Variants in TERF1 observed in about 807,000 individuals in gnomAD.
TERF1 encodes telomeric repeat-binding factor 1.
Under a neutral mutation model 55.1 loss-of-function variants are expected in TERF1, and 20 were observed. The ratio of observed to expected loss-of-function variants is 0.36; its 90% CI spans 0.26 to 0.53. TERF1 has a LOEUF of 0.53. TERF1 is among the 20% of genes least tolerant of loss of function. The probability of loss-of-function intolerance (pLI) is 0.91; values close to 1 mark genes in which losing one functional copy is unlikely to be tolerated. For missense variants in TERF1, 439 were observed against 535.7 expected (o/e 0.82, Z 1.78); for synonymous variants, 168 against 181.2 (o/e 0.93, Z 0.59).
intron 8 of TERF1, chr8:73,038,733 C>G (rs1173773388): frequency 1.0e-6 from 1 of 964,542 alleles, no homozygotes; most frequent in African/African-American, 1.8e-5. Flanking sequence ...ACCAAACTGA[C>G]TATGAATAAG....
In TERF1 at chr8:73,024,938, G is replaced by A. The variant is rs758988975; in HGVS notation, c.741G>A (p.Val247=). Residue 247 remains valine, a synonymous_variant, in exon 5 of 10, where the codon GTG becomes GTA. Transcript: ENST00000276603. ...AAATTAAGAGTTATGTGAATTATGTGCTAAGTGAAAAATCATCAACCTTTC... is the reference window on the plus strand; with the variant it reads ...AAATTAAGAGTTATGTGAATTATGTACTAAGTGAAAAATCATCAACCTTTC... ...MEKIKSYVNY[V]LSEKSSTFLM... 22 of 1,578,380 alleles carry A rather than the reference G, an allele frequency of 1.4e-5. No individual in the cohort carries two copies. In the South Asian group the frequency reaches 1.9e-4, roughly 14 times the overall value.
chr8:73,027,640 T>C (rs577399822), intron 6 of TERF1, among the ~76,000 whole-genome samples: 17 of 152,326 alleles, frequency 1.1e-4, no homozygotes, highest in African/African-American at 3.8e-4. Flanking sequence ...GAGAAAGATA[T>C]AACTCTTAAC....
intron 2 of TERF1, among the ~76,000 whole-genome samples, chr8:73,016,985 T>C (rs979967653): frequency 1.3e-5 from 2 of 152,214 alleles, no homozygotes; most frequent in Non-Finnish European, 2.9e-5. Flanking sequence ...CTTCCATGGC[T>C]ATCCCATGTC....
At chr8:73,037,859 A>AATATG (rs1809657265) in intron 8 of TERF1, among the ~76,000 whole-genome samples, 1 of 109,582 alleles carries the variant, frequency 9.1e-6, no homozygotes, top group South Asian at 2.3e-4. Flanking sequence ...ATAATATATA[A>AATATG]ATATGATATA....
At chr8:73,013,484 A>C (rs1248940392) in intron 1 of TERF1, among the ~76,000 whole-genome samples, 1 of 152,200 alleles carries the variant, frequency 6.6e-6, no homozygotes, top group Non-Finnish European at 1.5e-5. Flanking sequence ...GGGGAGGTTA[A>C]TATTAATAGG....
At chr8:73,019,378 A>C (rs1360098794) in intron 2 of TERF1, among the ~76,000 whole-genome samples, 1 of 152,196 alleles carries the variant, frequency 6.6e-6, no homozygotes, top group Non-Finnish European at 1.5e-5. Flanking sequence ...CCATTTATCC[A>C]ATTATTAAAA....
At chr8:73,015,643 C>T (rs1459138162) in intron 2 of TERF1, among the ~76,000 whole-genome samples, 2 of 151,814 alleles carry the variant, frequency 1.3e-5, no homozygotes, top group African/African-American at 4.8e-5. Context: ...AAAGACCATC[C>T]TTGCTAACGT....
chr8:73,033,893 C>A (rs1464081244), intron 8 of TERF1, among the ~76,000 whole-genome samples: 2 of 152,068 alleles, frequency 1.3e-5, no homozygotes, highest in East Asian at 3.9e-4. Context: ...CCCAGGTACC[C>A]CCTCTTTATA....
chr8:73,037,851 AAT>A (rs1366216589), intron 8 of TERF1, among the ~76,000 whole-genome samples: 2 of 103,046 alleles, frequency 1.9e-5, no homozygotes, highest in Non-Finnish European at 3.7e-5. Flanking sequence ...TATAATATAT[AAT>A]ATATAAATAT....
At position 73,008,910 on chromosome 8, in the gene TERF1, G is replaced by T. The variant is rs765648543; in HGVS notation, c.24G>T (p.Ala8=). 2 of 1,609,722 alleles carry T rather than the reference G, an allele frequency of 1.2e-6. No individual in the cohort carries two copies. Among genetic ancestry groups the T allele is most frequent in the Admixed American group, 1.7e-5 (1 of 59,224 alleles). ...ACATGGCGGAGGATGTTTCCTCAGC[G>T]GCCCCGAGCCCGCGGGGCTGTGCGG... The part of the protein sequence containing the change: MAEDVSS[A]APSPRGCADG... Residue 8 remains alanine (A), a synonymous_variant, in exon 1 of 10, where the codon GCG becomes GCT. Transcript: ENST00000276603.
At chr8:73,041,425 G>T (rs1277649226) in intron 9 of TERF1, among the ~76,000 whole-genome samples, 1 of 152,150 alleles carries the variant, frequency 6.6e-6, no homozygotes, top group African/African-American at 2.4e-5. Flanking sequence ...GTAAGGGGAG[G>T]TGAAGCGTTC....
intron 2 of TERF1, among the ~76,000 whole-genome samples, chr8:73,014,339 A>C (rs1808405208): frequency 6.6e-6 from 1 of 152,020 alleles, no homozygotes; most frequent in African/African-American, 2.4e-5. Context: ...ATTTCTAATA[A>C]ATTCCCAGGT....
intron 8 of TERF1, among the ~76,000 whole-genome samples, chr8:73,034,733 T>C (rs1809433963): frequency 6.6e-6 from 1 of 152,028 alleles, no homozygotes; most frequent in Non-Finnish European, 1.5e-5. Context: ...TGAAAGCTTT[T>C]TATAGGTAAA....
At chr8:73,014,631 A>C (rs1444025512) in intron 2 of TERF1, among the ~76,000 whole-genome samples, 3 of 152,258 alleles carry the variant, frequency 2.0e-5, no homozygotes, top group Non-Finnish European at 4.4e-5. Flanking sequence ...TATTTGATGG[A>C]AATAATTTTG....
intron 2 of TERF1, among the ~76,000 whole-genome samples, chr8:73,017,018 TTATC>T (rs1808540512): frequency 6.6e-6 from 1 of 152,180 alleles, no homozygotes; most frequent in Admixed American, 6.5e-5. Flanking sequence ...ATTTTGGAGT[TTATC>T]TAACTGTTTT....
chr8:73,037,607 TTATTATATATATTATA>T (rs1374500487), intron 8 of TERF1, among the ~76,000 whole-genome samples: 5 of 104,252 alleles, frequency 4.8e-5, no homozygotes, highest in African/African-American at 2.0e-4. Context: ...TATCATAAAT[TTATTATATATATTATA>T]TATTATATAT....
intron 8 of TERF1, among the ~76,000 whole-genome samples, chr8:73,036,784 A>G (rs1809529313): frequency 6.9e-6 from 1 of 144,718 alleles, no homozygotes; most frequent in Admixed American, 7.1e-5. Context: ...TTGTTAGACT[A>G]TATTTTTTAT....
chr8:73,027,853 G>A (rs1255973347), intron 6 of TERF1, among the ~76,000 whole-genome samples: 2 of 150,588 alleles, frequency 1.3e-5, no homozygotes, highest in Non-Finnish European at 3.0e-5. Context: ...TGGAGATTGG[G>A]GTTCAAGTTG....
intron 7 of TERF1, 114 bp from the exon 8 acceptor site, chr8:73,031,928 A>T: frequency 1.6e-6 from 1 of 623,926 alleles, no homozygotes; most frequent in Non-Finnish European, 2.7e-6. Flanking sequence ...CAAAGGAAGT[A>T]GGCCAAAGTA....
Sources: gnomAD v4.1 joint callset for allele counts (sites outside exome capture counted in the v4.1 genomes callset) on GRCh38, gnomAD v4.1.1 for gene constraint, MANE v1.5 for transcripts, NCBI Gene and HGNC (gene_info 2026-07-23, HGNC 2026-07-21) for gene names.